PRDM16: variants seen among roughly 807,000 people sequenced by gnomAD.
The protein encoded by PRDM16 is histone-lysine N-methyltransferase PRDM16.
PRDM16 carries 23 observed loss-of-function variants against 110.6 expected under a neutral mutation model. That is an observed-to-expected ratio of 0.21 (90% CI 0.15 to 0.29). PRDM16 has a LOEUF of 0.29. Among genes scored for constraint, PRDM16 ranks in the 10% least tolerant of loss-of-function variants. PRDM16 has a pLI of 1.00. For missense variants in PRDM16, 1,615 were observed against 1,794.3 expected, an observed-to-expected ratio of 0.90 and a Z score of 1.81; for synonymous variants, 799 against 781.8, an observed-to-expected ratio of 1.02 and a Z score of -0.37.
At chr1:3,146,725 G>A (rs533602665) in intron 1 of PRDM16, among the ~76,000 whole-genome samples, 27 of 136,624 alleles carry the variant, frequency 2.0e-4, no homozygotes, top group South Asian at 7.8e-4. Flanking sequence ...ATGTGTGCTC[G>A]GTGTGGGTTG....
chr1:3,389,884 G>A (rs531955531), intron 4 of PRDM16, among the ~76,000 whole-genome samples: 4 of 151,772 alleles, frequency 2.6e-5, no homozygotes, highest in South Asian at 2.1e-4. Context: ...TTGCTGCCTC[G>A]TCCGAGCATG....
Position 3,290,200 on chromosome 1 carries a change from C to G in PRDM16, c.438+46063C>G, listed in dbSNP as rs890010608. Among the ~76,000 whole-genome samples the G allele has an allele frequency of 6.6e-6, 1 of 152,236 alleles. No individual in the cohort carries two copies. Among genetic ancestry groups the G allele is most frequent in the Non-Finnish European group, 1.5e-5 (1 of 68,044 alleles). On this transcript the variant is annotated intron_variant, in intron 3 of 16. Coordinates refer to ENST00000270722, the MANE Select transcript of PRDM16 (RefSeq NM_022114.4). The surrounding 1 kb of genome is among the most constrained non-coding windows in gnomAD (Gnocchi z 4.8). ...CTCCAAGGCTGGCCCGGCACAGGGGCTCCCCTTGAGGTGGGCAGGTTTCCA... is the reference window on the plus strand; with the variant it reads ...CTCCAAGGCTGGCCCGGCACAGGGGGTCCCCTTGAGGTGGGCAGGTTTCCA...
intron 3 of PRDM16, among the ~76,000 whole-genome samples, chr1:3,270,193 AGACAGTCCCGGAGGAG>A (rs994574637): frequency 1.6e-5 from 2 of 128,592 alleles, no homozygotes; most frequent in African/African-American, 6.1e-5. Context: ...CAGTCGGGGA[AGACAGTCCCGGAGGAG>A]GACAGTCCCA....
chr1:3,284,994 G>T (rs1640813376), intron 3 of PRDM16, among the ~76,000 whole-genome samples: 1 of 152,204 alleles, frequency 6.6e-6, no homozygotes, highest in Non-Finnish European at 1.5e-5. Context: ...GCGAATGTTG[G>T]TAGGTTTCTC....
chr1:3,211,832 C>CGTGT (rs1557531895), intron 2 of PRDM16, among the ~76,000 whole-genome samples: 4 of 151,898 alleles, frequency 2.6e-5, no homozygotes, highest in African/African-American at 9.7e-5. Flanking sequence ...CGTGTGCGTG[C>CGTGT]GCGTGCATCC....
intron 3 of PRDM16, among the ~76,000 whole-genome samples, chr1:3,343,114 G>T (rs187666702): frequency 6.6e-6 from 1 of 151,266 alleles, no homozygotes; most frequent in Non-Finnish European, 1.5e-5. Flanking sequence ...TTCCACCAGC[G>T]GCAATGTGTG....
At chr1:3,287,750 T>C (rs1408287963) in intron 3 of PRDM16, among the ~76,000 whole-genome samples, 1 of 121,156 alleles carries the variant, frequency 8.3e-6, no homozygotes, top group African/African-American at 3.6e-5. Context: ...GAGCTGCCCC[T>C]GCCATGCGGG....
rs946525177 is a variant in PRDM16, at chr1:3,243,648, C to T, written c.388-439C>T. Among the ~76,000 whole-genome samples the T allele has an allele frequency of 6.6e-6, 1 of 152,256 alleles. No individual in the cohort carries two copies. The highest frequency in any genetic ancestry group is 6.5e-5 in the Admixed American group (1 of 15,286). On this transcript the variant is annotated intron_variant, in intron 2 of 16. Coordinates refer to ENST00000270722, the MANE Select transcript of PRDM16 (RefSeq NM_022114.4). The surrounding 1 kb of genome is among the most constrained non-coding windows in gnomAD (Gnocchi z 5.5). Reference sequence around the variant, plus strand: ...CTAGGCCAAGTTACGTCTAAATACACGTGGTGTGATTCGCCGGCGGAACTT... The same window carrying T: ...CTAGGCCAAGTTACGTCTAAATACATGTGGTGTGATTCGCCGGCGGAACTT...
intron 4 of PRDM16, among the ~76,000 whole-genome samples, chr1:3,388,127 T>C (rs1399148644): frequency 6.6e-6 from 1 of 152,246 alleles, no homozygotes; most frequent in Admixed American, 6.5e-5. Context: ...TAACAACTTC[T>C]CTTTGAGAAG....
At chr1:3,114,101 G>T (rs1642858579) in intron 1 of PRDM16, among the ~76,000 whole-genome samples, 1 of 152,054 alleles carries the variant, frequency 6.6e-6, no homozygotes, top group East Asian at 1.9e-4. Flanking sequence ...CATTTGTGAT[G>T]GCGCCGTGCT....
intron 3 of PRDM16, chr1:3,308,351 A>G (rs1488757695): frequency 2.0e-5 from 3 of 152,494 alleles, no homozygotes; most frequent in Non-Finnish European, 4.4e-5. Flanking sequence ...TGCCACTGAA[A>G]GCACCACATC....
intron 1 of PRDM16, among the ~76,000 whole-genome samples, chr1:3,084,069 A>G (rs1013836654): frequency 6.6e-6 from 1 of 152,192 alleles, no homozygotes; most frequent in Admixed American, 6.5e-5. Flanking sequence ...AGGGAGCGAG[A>G]GGAGAGGTGG....
rs4376672 is a variant in PRDM16 at position 3,209,526 on chromosome 1, G to A, written c.387+23052G>A. On this transcript the variant is annotated intron_variant, in intron 2 of 16. Coordinates refer to ENST00000270722, the MANE Select transcript of PRDM16 (RefSeq NM_022114.4). This position sits in a 1 kb window ranked among gnomAD's most constrained non-coding sequence, Gnocchi z 4.6. ...GGGTGTGGAATAGGCCTCGCTGGGA[G>A]GCCGTGGTTCTGCTCCTGCACATTT... Among the ~76,000 whole-genome samples the A allele has an allele frequency of 0.035, 5,361 of 152,286 alleles. 223 individuals carry two copies. The highest frequency in any genetic ancestry group is 0.17 in the East Asian group (865 of 5,160).
intron 3 of PRDM16, among the ~76,000 whole-genome samples, chr1:3,338,694 C>G (rs1642210781): frequency 6.6e-6 from 1 of 152,110 alleles, no homozygotes; most frequent in Non-Finnish European, 1.5e-5. Flanking sequence ...TGGGGAAGCT[C>G]CTGGAACCCA....
chr1:3,379,149 CA>C (rs1643050918), intron 3 of PRDM16, among the ~76,000 whole-genome samples: 1 of 116,250 alleles, frequency 8.6e-6, no homozygotes, highest in African/African-American at 3.2e-5. Flanking sequence ...CCTCCCAGCA[CA>C]CCCCTCCCAG....
Position 3,213,866 on chromosome 1 carries a change from T to G in PRDM16, c.387+27392T>G, listed in dbSNP as rs1638960230. ...AGGCCTTGCCACCCCCCATTAATCC[T>G]GCAATTCCAGATCATTATCAAGGTC... is the stretch of plus-strand genomic sequence containing the variant. On this transcript the variant is annotated intron_variant, in intron 2 of 16. Coordinates refer to ENST00000270722, the MANE Select transcript of PRDM16 (RefSeq NM_022114.4). The surrounding 1 kb of genome is among the most constrained non-coding windows in gnomAD (Gnocchi z 5.3). Among the ~76,000 whole-genome samples, 1 of 152,134 alleles carries G rather than the reference T, an allele frequency of 6.6e-6. No homozygotes were observed. Among genetic ancestry groups the G allele is most frequent in the African/African-American group, 2.4e-5 (1 of 41,438 alleles).
chr1:3,352,345 C>T lies in PRDM16; in HGVS notation c.439-32807C>T, dbSNP rs1642511504. On this transcript the variant is annotated intron_variant, in intron 3 of 16. Coordinates refer to ENST00000270722, the MANE Select transcript of PRDM16 (RefSeq NM_022114.4). ...CACGGCAGAGTTGTGGTCCTGGCGG[C>T]TGGCTGCAGCTTTTAATTGTTTTTC... is the stretch of plus-strand genomic sequence containing the variant. Among the ~76,000 whole-genome samples the T allele has an allele frequency of 3.3e-5, 5 of 152,194 alleles. No homozygotes were observed. In the South Asian group the frequency reaches 1.0e-3, roughly 32 times the overall value.
chr1:3,193,746 G>C (rs1638379323), intron 2 of PRDM16, among the ~76,000 whole-genome samples: 1 of 152,244 alleles, frequency 6.6e-6, no homozygotes, highest in South Asian at 2.1e-4. Context: ...CCACATGTCG[G>C]TCTGTACTGG....
intron 3 of PRDM16, among the ~76,000 whole-genome samples, chr1:3,261,533 G>C (rs1438389453): frequency 6.6e-6 from 1 of 152,156 alleles, no homozygotes; most frequent in Non-Finnish European, 1.5e-5. Context: ...AGTGGCGAGA[G>C]TCCCTTTCAC....
Sources: gnomAD v4.1 joint callset for allele counts (sites outside exome capture counted in the v4.1 genomes callset) on GRCh38, gnomAD v4.1.1 for gene constraint, Gnocchi (gnomAD v3.1) non-coding constraint, MANE v1.5 for transcripts, NCBI Gene and HGNC (gene_info 2026-07-23, HGNC 2026-07-21) for gene names.